The following RGS8 variants were observed in gnomAD, a reference collection of about 807,000 sequenced individuals.
The protein encoded by RGS8 is regulator of G-protein signaling 8.
Under a neutral mutation model 21.7 loss-of-function variants are expected in RGS8, and 8 were observed. That is an observed-to-expected ratio of 0.37 (90% CI 0.22 to 0.66). RGS8 has a LOEUF of 0.66. Ranked by LOEUF, RGS8 falls within the 30% of genes least tolerant of loss-of-function variation. RGS8 has a pLI of 0.59. For synonymous variants in RGS8, 80 were observed against 83.6 expected (o/e 0.96, Z 0.24); for missense variants, 157 against 217.9 (o/e 0.72, Z 1.76).
At chr1:182,659,021 G>T (rs1663441144) in intron 5 of RGS8, among the ~76,000 whole-genome samples, 1 of 152,192 alleles carries the variant, frequency 6.6e-6, no homozygotes. Flanking sequence ...TAGTATATAT[G>T]TAGCAAGATG....
the RGS8 span, among the ~76,000 whole-genome samples, chr1:182,709,531 T>G: frequency 4.7e-3 from 713 of 152,270 alleles, 6 homozygotes; most frequent in African/African-American, 0.016. Context: ...TGAGTTTATT[T>G]AGCTCTTGGT....
At chr1:182,735,886 C>G in the RGS8 span, among the ~76,000 whole-genome samples, 26 of 152,264 alleles carry the variant, frequency 1.7e-4, no homozygotes, top group African/African-American at 5.5e-4. Flanking sequence ...CCTTTCTGCC[C>G]CCAAATATCT....
At chr1:182,741,133 G>T in the RGS8 span, among the ~76,000 whole-genome samples, 5 of 150,742 alleles carry the variant, frequency 3.3e-5, no homozygotes, top group Non-Finnish European at 4.4e-5. Context: ...AGGCGCGGCC[G>T]GGCAGAGGCG....
At chr1:182,707,928 G>A in the RGS8 span, among the ~76,000 whole-genome samples, 1,311 of 152,108 alleles carry the variant, frequency 8.6e-3, 16 homozygotes, top group African/African-American at 0.027. Context: ...GGATGGTCTC[G>A]ATCTCCTGAC....
At chr1:182,750,956 TA>T in the RGS8 span, among the ~76,000 whole-genome samples, 4 of 152,246 alleles carry the variant, frequency 2.6e-5, no homozygotes, top group African/African-American at 9.6e-5. Context: ...GATTTGGCTT[TA>T]AAATAAAGCA....
chr1:182,667,094 G>A, intron 3 of RGS8, 121 bp from the exon 5 acceptor site: 1 of 755,402 alleles, frequency 1.3e-6, no homozygotes, highest in African/African-American at 1.7e-5. Context: ...TTCCCCAGGT[G>A]GTCTCTGAAG....
chr1:182,675,537 A>C (rs576673980), upstream of RGS8, among the ~76,000 whole-genome samples: 1 of 152,010 alleles, frequency 6.6e-6, no homozygotes, highest in African/African-American at 2.4e-5. Context: ...GCTCCATTGC[A>C]CCTCCTTGTC....
upstream of RGS8, among the ~76,000 whole-genome samples, chr1:182,688,069 A>G (rs1664744626): frequency 6.6e-6 from 1 of 152,238 alleles, no homozygotes; most frequent in Admixed American, 6.5e-5. Flanking sequence ...ACCTTCTGCC[A>G]TTGTGCAAAT....
chr1:182,730,664 C>A, the RGS8 span, among the ~76,000 whole-genome samples: 2 of 151,750 alleles, frequency 1.3e-5, no homozygotes, highest in African/African-American at 4.8e-5. Context: ...GAGCCAAGAT[C>A]CCGCCACTGC....
chr1:182,725,436 C>T, the RGS8 span, among the ~76,000 whole-genome samples: 4 of 152,278 alleles, frequency 2.6e-5, no homozygotes, highest in South Asian at 8.3e-4. Context: ...CTTAGACCAA[C>T]AAGAGCATCT....
chr1:182,735,810 G>A, the RGS8 span, among the ~76,000 whole-genome samples: 1 of 152,160 alleles, frequency 6.6e-6, no homozygotes, highest in East Asian at 1.9e-4. Flanking sequence ...CTTCATGATT[G>A]ATCCTGATCA....
chr1:182,673,216 A>G (rs533106774), upstream of RGS8, among the ~76,000 whole-genome samples: 1 of 152,250 alleles, frequency 6.6e-6, no homozygotes, highest in Non-Finnish European at 1.5e-5. Flanking sequence ...TGGCTTTATA[A>G]TAATGGAAAT....
At chr1:182,729,342 A>G in the RGS8 span, among the ~76,000 whole-genome samples, 1 of 152,356 alleles carries the variant, frequency 6.6e-6, no homozygotes, top group East Asian at 1.9e-4. Context: ...TCTTCTGCCC[A>G]TATTTATCCA....
upstream of RGS8, among the ~76,000 whole-genome samples, chr1:182,684,887 A>T (rs1294020080): frequency 6.6e-6 from 1 of 152,180 alleles, no homozygotes. This position sits in a 1 kb window ranked among gnomAD's most constrained non-coding sequence, Gnocchi z 4.2. Flanking sequence ...GAGAAAGGAT[A>T]ACCTGCTTTT....
intron 5 of RGS8, among the ~76,000 whole-genome samples, chr1:182,665,467 GT>G (rs1233348413): frequency 6.6e-6 from 1 of 152,174 alleles, no homozygotes; most frequent in Non-Finnish European, 1.5e-5. Context: ...AAATTGAGGG[GT>G]AAAATGCAGC....
chr1:182,707,776 G>A, the RGS8 span, among the ~76,000 whole-genome samples: 1 of 152,214 alleles, frequency 6.6e-6, no homozygotes, highest in Non-Finnish European at 1.5e-5. Flanking sequence ...GCATGATCTT[G>A]GCTCACTGCA....
At chr1:182,746,502 A>C in the RGS8 span, among the ~76,000 whole-genome samples, 1 of 152,118 alleles carries the variant, frequency 6.6e-6, no homozygotes, top group Non-Finnish European at 1.5e-5. Context: ...CCCTGTCTCT[A>C]CTAAAAATAC....
chr1:182,750,514 C>T, the RGS8 span, among the ~76,000 whole-genome samples: 1 of 152,088 alleles, frequency 6.6e-6, no homozygotes, highest in Admixed American at 6.6e-5. Context: ...TATTTTTATA[C>T]AATTCTGTCA....
intron 1 of RGS8, among the ~76,000 whole-genome samples, chr1:182,681,188 A>C (rs986772016): frequency 1.3e-5 from 2 of 152,138 alleles, no homozygotes; most frequent in Non-Finnish European, 2.9e-5. Flanking sequence ...ATGGGACAGG[A>C]GGGCCAAAGG....
Sources: gnomAD v4.1 joint callset for allele counts (sites outside exome capture counted in the v4.1 genomes callset) on GRCh38, gnomAD v4.1.1 for gene constraint, Gnocchi (gnomAD v3.1) non-coding constraint, MANE v1.5 for transcripts, NCBI Gene and HGNC (gene_info 2026-07-23, HGNC 2026-07-21) for gene names.